FSTL4: variants seen among roughly 807,000 people sequenced by gnomAD.
FSTL4 encodes follistatin like 4.
A neutral mutation model predicts 78.2 loss-of-function variants in FSTL4; 28 were observed. The ratio of observed to expected loss-of-function variants is 0.36; its 90% CI spans 0.27 to 0.49. FSTL4 has a LOEUF of 0.49. Among genes scored for constraint, FSTL4 ranks in the 20% least tolerant of loss-of-function variants. The pLI is 0.98. For synonymous variants in FSTL4, 422 were observed against 440.5 expected (o/e 0.96, Z 0.53); for missense variants, 922 against 1,084.9 (o/e 0.85, Z 2.11).
chr5:133,443,012 T>G (rs1189156990), intron 3 of FSTL4, among the ~76,000 whole-genome samples: 1 of 152,282 alleles, frequency 6.6e-6, no homozygotes, highest in East Asian at 1.9e-4. Context: ...AGATTCCATT[T>G]ATCAGAAAAT....
rs1754507365 is a variant in FSTL4, at chr5:133,338,231, GC to G, written c.410-21580del. ...GGCCCTGATGACCCCCCGGGTGTGT[GC>G]CCCTATTCCTGTCTGCTCCATGCTT... On this transcript the variant is annotated intron_variant, in intron 4 of 15. Coordinates refer to ENST00000265342, the MANE Select transcript of FSTL4 (RefSeq NM_015082.2). The surrounding 1 kb of genome is among the most constrained non-coding windows in gnomAD (Gnocchi z 4.0). Among the ~76,000 whole-genome samples the G allele has an allele frequency of 6.6e-6, 1 of 152,148 alleles. No individual in the cohort carries two copies. Among genetic ancestry groups the G allele is most frequent in the South Asian group, 2.1e-4 (1 of 4,820 alleles).
At chr5:133,730,622 G>A in the FSTL4 span, among the ~76,000 whole-genome samples, 19,164 of 152,196 alleles carry the variant, frequency 0.13, 1,519 homozygotes, top group Non-Finnish European at 0.17. Context: ...GCTGCTAGAC[G>A]CTTTCTGGAA....
chr5:133,277,197 T>C (rs1341365926), intron 6 of FSTL4, among the ~76,000 whole-genome samples: 4 of 151,992 alleles, frequency 2.6e-5, no homozygotes, highest in Non-Finnish European at 4.4e-5. Flanking sequence ...GCCCCTGTAA[T>C]CCCAGCTACT....
chr5:133,487,316 G>T (rs548283747), intron 3 of FSTL4, among the ~76,000 whole-genome samples: 26 of 152,294 alleles, frequency 1.7e-4, no homozygotes, highest in Admixed American at 1.4e-3. Flanking sequence ...CAAAGAGAAG[G>T]TGCCTGTGAC....
At chr5:133,309,487 G>C (rs536717596) in intron 6 of FSTL4, among the ~76,000 whole-genome samples, 2 of 152,314 alleles carry the variant, frequency 1.3e-5, no homozygotes, top group East Asian at 3.9e-4. Context: ...GGCACTGCCT[G>C]CCACCCTGGA....
chr5:133,358,157 C>G (rs754070633), intron 4 of FSTL4, among the ~76,000 whole-genome samples: 23 of 152,182 alleles, frequency 1.5e-4, no homozygotes, highest in Non-Finnish European at 2.9e-4. Flanking sequence ...ATTCACATAG[C>G]AGGAACCTTA....
At chr5:133,395,051 T>C (rs1755973483) in intron 4 of FSTL4, among the ~76,000 whole-genome samples, 1 of 152,186 alleles carries the variant, frequency 6.6e-6, no homozygotes, top group South Asian at 2.1e-4. Context: ...CCTGTCAAAA[T>C]GGACCAATCA....
the FSTL4 span, among the ~76,000 whole-genome samples, chr5:133,790,658 G>A: frequency 3.9e-5 from 6 of 152,218 alleles, no homozygotes; most frequent in South Asian, 2.1e-4. Flanking sequence ...GGATCATCAC[G>A]TGTAAAACAG....
At chr5:133,202,459 A>G (rs993931078) in intron 14 of FSTL4, 4 of 153,330 alleles carry the variant, frequency 2.6e-5, no homozygotes, top group African/African-American at 4.8e-5. Flanking sequence ...CCTTCTCAAC[A>G]TGTAAGCCAG....
intron 6 of FSTL4, among the ~76,000 whole-genome samples, chr5:133,299,945 G>A (rs1349526791): frequency 3.3e-5 from 5 of 152,202 alleles, no homozygotes; most frequent in Non-Finnish European, 7.3e-5. Context: ...CCTTTAAGGT[G>A]TGGCCACTAT....
intron 3 of FSTL4, among the ~76,000 whole-genome samples, chr5:133,487,448 A>G (rs1758160268): frequency 6.6e-6 from 1 of 152,192 alleles, no homozygotes; most frequent in Non-Finnish European, 1.5e-5. Context: ...CTGCATGTGC[A>G]ATGGCAGAGT....
At chr5:133,339,899 TCTC>T in intron 4 of FSTL4, among the ~76,000 whole-genome samples, 1 of 152,304 alleles carries the variant, frequency 6.6e-6, no homozygotes, top group Admixed American at 6.5e-5. Flanking sequence ...TGGGGTCTGT[TCTC>T]CTCTTCAGAG....
At chr5:133,252,883 C>G (rs970922329) in intron 6 of FSTL4, among the ~76,000 whole-genome samples, 3 of 152,176 alleles carry the variant, frequency 2.0e-5, no homozygotes, top group Non-Finnish European at 4.4e-5. Context: ...TAACTGGCTG[C>G]TGCATCCTCC....
rs756386436 is a variant in FSTL4, at chr5:133,281,506, A to G, written c.727+31148T>C. ...CAGATGAGAAAACTGAGACTCAGAG[A>G]GGTAAATCTGCCCAGCTCTGCAGGA... On this transcript the variant is annotated intron_variant, in intron 6 of 15. Transcript: ENST00000265342. 1.4e-4 allele frequency among the ~76,000 whole-genome samples: 21 copies of G among 152,216 alleles called. No homozygotes were observed. The South Asian group carries it at 3.5e-3, about 26-fold the overall frequency.
At chr5:133,625,348 T>C in the FSTL4 span, among the ~76,000 whole-genome samples, 1 of 151,792 alleles carries the variant, frequency 6.6e-6, no homozygotes, top group Non-Finnish European at 1.5e-5. Context: ...TGTGGAAGTT[T>C]ATACATTTTG....
chr5:133,465,916 G>A lies in FSTL4; in HGVS notation c.161-64930C>T, dbSNP rs180777524. Reference sequence around the variant, plus strand: ...GGCTCAACATCGTGGCTAGCTTATCGTAGAGACCAGACCTCTAATCCCTAT... The same window carrying A: ...GGCTCAACATCGTGGCTAGCTTATCATAGAGACCAGACCTCTAATCCCTAT... On this transcript the variant is annotated intron_variant, in intron 3 of 15. Transcript: ENST00000265342. Among the ~76,000 whole-genome samples the A allele has an allele frequency of 3.7e-3, 566 of 152,354 alleles. 10 individuals carry two copies. The highest frequency in any genetic ancestry group is 1.1e-3 in the Non-Finnish European group (72 of 68,030).
the FSTL4 span, among the ~76,000 whole-genome samples, chr5:133,750,397 G>T: frequency 6.6e-6 from 1 of 152,204 alleles, no homozygotes; most frequent in African/African-American, 2.4e-5. Flanking sequence ...CCTGGCCTCT[G>T]AGGACATCTG....
chr5:133,407,500 AC>A (rs1295669444), intron 3 of FSTL4, among the ~76,000 whole-genome samples: 3 of 152,222 alleles, frequency 2.0e-5, no homozygotes, highest in Admixed American at 6.5e-5. Context: ...CCAAAGCTCA[AC>A]AGAAACACAT....
chr5:133,206,301 A>C (rs966514850), intron 14 of FSTL4, among the ~76,000 whole-genome samples: 1 of 152,140 alleles, frequency 6.6e-6, no homozygotes, highest in African/African-American at 2.4e-5. Context: ...AACATTTTGC[A>C]AGCATTCACT....
Sources: gnomAD v4.1 joint callset for allele counts (sites outside exome capture counted in the v4.1 genomes callset) on GRCh38, gnomAD v4.1.1 for gene constraint, Gnocchi (gnomAD v3.1) non-coding constraint, MANE v1.5 for transcripts, NCBI Gene and HGNC (gene_info 2026-07-23, HGNC 2026-07-21) for gene names.